Variants in ATXN2 observed in about 807,000 individuals in gnomAD.
The protein encoded by ATXN2 is ataxin 2, also known as ataxin-2.
In ATXN2, 37 loss-of-function variants were observed where a neutral mutation model predicts 138.6. The ratio of observed to expected loss-of-function variants is 0.27; its 90% CI spans 0.21 to 0.35. ATXN2 has a LOEUF of 0.35. Ranked by LOEUF, ATXN2 falls within the 10% of genes least tolerant of loss-of-function variation. ATXN2 has a pLI of 1.00. For synonymous variants in ATXN2, 549 were observed against 543.7 expected (o/e 1.01, Z -0.13); for missense variants, 1,216 against 1,480.3 (o/e 0.82, Z 2.93).
At position 111,488,545 on chromosome 12, in the gene ATXN2, C is replaced by A; in HGVS notation, c.2171G>T (p.Gly724Val). 1.2e-6 allele frequency: 2 copies of A among 1,614,152 alleles called. No individual in the cohort carries two copies. Among genetic ancestry groups the A allele is most frequent in the Non-Finnish European group, 1.7e-6 (2 of 1,180,024 alleles). ...ACATGCTGGGCTGGAAGTCTGAACCCCTTGGGAAGTGACCTCAGGTCCCCT... is the reference window on the plus strand; with the variant it reads ...ACATGCTGGGCTGGAAGTCTGAACCACTTGGGAAGTGACCTCAGGTCCCCT... The part of the protein sequence containing the change: ...HKRGPEVTSQ[G>V]VQTSSPACKQ... The change falls in exon 15 of 25, where the codon GGG (glycine) becomes GTG (valine). Residue 724 changes from glycine to valine, a missense_variant. Transcript: ENST00000673436.
intron 14 of ATXN2, among the ~76,000 whole-genome samples, chr12:111,507,357 C>T (rs1199794972): frequency 2.0e-5 from 3 of 150,384 alleles, no homozygotes; most frequent in African/African-American, 4.9e-5. Context: ...CTGGCCGCCC[C>T]GTCTGAGAAG....
chr12:111,573,862 TTTTC>T (rs1370371925), intron 1 of ATXN2, among the ~76,000 whole-genome samples: 45 of 150,026 alleles, frequency 3.0e-4, no homozygotes, highest in East Asian at 1.2e-3. Flanking sequence ...TAAATGTGTT[TTTTC>T]TTTCTTTTTT....
intron 13 of ATXN2, 64 bp downstream of exon 13, chr12:111,509,827 C>T: frequency 8.1e-7 from 1 of 1,237,182 alleles, no homozygotes. Flanking sequence ...TCTGTATGGG[C>T]ATGAAATTAG....
chr12:111,563,271 G>A (rs940337038), intron 1 of ATXN2, among the ~76,000 whole-genome samples: 47 of 151,752 alleles, frequency 3.1e-4, no homozygotes, highest in Admixed American at 3.3e-4. Flanking sequence ...GAGTAAATAC[G>A]TATATTCCAC....
chr12:111,586,770 C>T (rs1485672936), intron 1 of ATXN2, among the ~76,000 whole-genome samples: 3 of 151,938 alleles, frequency 2.0e-5, no homozygotes, highest in Non-Finnish European at 4.4e-5. Flanking sequence ...ATCCACCCTC[C>T]TTGGCCTCCC....
chr12:111,463,477 A>G (rs1875748772), intron 21 of ATXN2, among the ~76,000 whole-genome samples: 1 of 152,040 alleles, frequency 6.6e-6, no homozygotes, highest in Admixed American at 6.6e-5. Context: ...GGGTTTCACC[A>G]TGTTGGCCAG....
intron 1 of ATXN2, among the ~76,000 whole-genome samples, chr12:111,577,516 C>T (rs78092315): frequency 0.01 from 1,552 of 152,172 alleles, 11 homozygotes; most frequent in Non-Finnish European, 0.017. Context: ...CCACCCGCCT[C>T]GGCCTCCCAA....
At chr12:111,538,945 T>A (rs1462205300) in intron 5 of ATXN2, among the ~76,000 whole-genome samples, 2 of 149,698 alleles carry the variant, frequency 1.3e-5, no homozygotes, top group East Asian at 3.9e-4. Flanking sequence ...CTTCATGAGG[T>A]TTGCTGTATT....
intron 1 of ATXN2, among the ~76,000 whole-genome samples, chr12:111,575,233 C>A (rs1375127878): frequency 6.6e-6 from 1 of 151,972 alleles, no homozygotes; most frequent in East Asian, 1.9e-4. Flanking sequence ...ATAAGAGGGG[C>A]TGGAGCGCAG....
chr12:111,504,136 C>T (rs1230415774), intron 14 of ATXN2, among the ~76,000 whole-genome samples: 1 of 152,138 alleles, frequency 6.6e-6, no homozygotes, highest in Non-Finnish European at 1.5e-5. Flanking sequence ...AAAGTACAGC[C>T]TTTTAAAATA....
intron 21 of ATXN2, among the ~76,000 whole-genome samples, chr12:111,458,849 G>C (rs1443714653): frequency 2.6e-5 from 4 of 152,188 alleles, no homozygotes; most frequent in Non-Finnish European, 5.9e-5. Context: ...TGTGCAGAGG[G>C]TTAGGCTAGG....
At chr12:111,507,600 G>T (rs1879237655) in intron 14 of ATXN2, among the ~76,000 whole-genome samples, 1 of 151,880 alleles carries the variant, frequency 6.6e-6, no homozygotes, top group African/African-American at 2.4e-5. Flanking sequence ...CCTCTGCCCG[G>T]CCGCCCCTTC....
intron 14 of ATXN2, among the ~76,000 whole-genome samples, chr12:111,496,329 C>T (rs1182397740): frequency 3.3e-5 from 5 of 151,836 alleles, no homozygotes; most frequent in South Asian, 2.1e-4. Context: ...GTCAGGAGTT[C>T]GAGATCAGCT....
intron 6 of ATXN2, among the ~76,000 whole-genome samples, chr12:111,522,204 T>C (rs1880195236): frequency 6.8e-6 from 1 of 147,906 alleles, no homozygotes; most frequent in Admixed American, 6.7e-5. Context: ...GCTTTAAAAT[T>C]ACTTAAGTAA....
chr12:111,456,992 C>T (rs975350629), intron 22 of ATXN2, among the ~76,000 whole-genome samples: 5 of 152,178 alleles, frequency 3.3e-5, no homozygotes, highest in African/African-American at 1.2e-4. Flanking sequence ...TCGTGATCCA[C>T]CCGCCTCGGC....
Position 111,473,070 on chromosome 12 carries a change from C to T in ATXN2, c.2525-2328G>A, listed in dbSNP as rs1406835606. ...GGCAGACTGCTTGAGCTCAGGAGTT[C>T]GACACCAGCCTGGGCAACATGGTGA... On this transcript the variant is annotated intron_variant, in intron 18 of 24. Coordinates refer to ENST00000673436, the MANE Select transcript of ATXN2 (RefSeq NM_001372574.1). 5.3e-5 allele frequency among the ~76,000 whole-genome samples: 8 copies of T among 151,968 alleles called. No homozygotes were observed. In the South Asian group the frequency reaches 1.5e-3, roughly 28 times the overall value.
At chr12:111,567,197 A>C (rs1883060073) in intron 1 of ATXN2, among the ~76,000 whole-genome samples, 1 of 152,186 alleles carries the variant, frequency 6.6e-6, no homozygotes, top group South Asian at 2.1e-4. Flanking sequence ...TGACAACAAA[A>C]GATTATGAAT....
intron 18 of ATXN2, among the ~76,000 whole-genome samples, chr12:111,477,614 C>T (rs1306406600): frequency 6.6e-6 from 1 of 152,134 alleles, no homozygotes; most frequent in Non-Finnish European, 1.5e-5. Context: ...ATTAACAATA[C>T]TGGCTCTTCA....
intron 14 of ATXN2, 144 bp from the exon 15 acceptor site, chr12:111,488,924 T>C (rs556442195): frequency 6.4e-5 from 46 of 722,928 alleles, no homozygotes; most frequent in Non-Finnish European, 9.0e-5. Context: ...GTAATGCTTT[T>C]ACTATAAACT....
Sources: gnomAD v4.1 joint callset for allele counts (sites outside exome capture counted in the v4.1 genomes callset) on GRCh38, gnomAD v4.1.1 for gene constraint, MANE v1.5 for transcripts, NCBI Gene and HGNC (gene_info 2026-07-23, HGNC 2026-07-21) for gene names.